Variants in STOX2 observed in about 807,000 individuals in gnomAD.
STOX2 encodes storkhead-box protein 2.
A neutral mutation model predicts 60.9 loss-of-function variants in STOX2; 28 were observed. The observed-to-expected ratio is 0.46, with a 90% CI of 0.34 to 0.63. STOX2 has a LOEUF of 0.63. Among genes scored for constraint, STOX2 ranks in the 30% least tolerant of loss-of-function variants. The pLI is 0.01. For synonymous variants in STOX2, 472 were observed against 463.9 expected (o/e 1.02, Z -0.22); for missense variants, 1,024 against 1,187.7 (o/e 0.86, Z 2.03).
At chr4:183,907,023 C>T (rs1741639137) in intron 1 of STOX2, 67 bp downstream of exon 1, 2 of 1,389,472 alleles carry the variant, frequency 1.4e-6, no homozygotes, top group African/African-American at 1.5e-5. Flanking sequence ...CGCCGCGGCC[C>T]GGGTGCTTGG....
intron 1 of STOX2, among the ~76,000 whole-genome samples, chr4:183,873,303 A>G (rs942346281): frequency 6.6e-6 from 1 of 152,132 alleles, no homozygotes; most frequent in Non-Finnish European, 1.5e-5. Context: ...AAAATTAGCC[A>G]GGCGTGTTGG....
At chr4:183,997,335 T>A (rs1424490323) in intron 1 of STOX2, among the ~76,000 whole-genome samples, 1 of 152,156 alleles carries the variant, frequency 6.6e-6, no homozygotes, top group African/African-American at 2.4e-5. Flanking sequence ...CCTGACATGT[T>A]CAAAGAACAG....
In STOX2 at chr4:183,978,368, G is replaced by A. The variant is rs554003633; in HGVS notation, c.167-22957G>A. Among the ~76,000 whole-genome samples, 26 of 152,112 alleles carry A rather than the reference G, an allele frequency of 1.7e-4. 1 individual carries two copies. Among genetic ancestry groups the A allele is most frequent in the Admixed American group, 5.2e-4 (8 of 15,276 alleles). Reference sequence around the variant, plus strand: ...TGATTGAATAGGGTGTCCTTTCCCCGTGTTTTATATTTTTGTCAACGTTGT... The same window carrying A: ...TGATTGAATAGGGTGTCCTTTCCCCATGTTTTATATTTTTGTCAACGTTGT... On this transcript the variant is annotated intron_variant, in intron 1 of 3. Coordinates refer to ENST00000308497, the MANE Select transcript of STOX2 (RefSeq NM_020225.3).
chr4:183,932,880 C>G (rs1489014826), intron 1 of STOX2, among the ~76,000 whole-genome samples: 1 of 152,194 alleles, frequency 6.6e-6, no homozygotes, highest in Non-Finnish European at 1.5e-5. Context: ...ATGACAGCTC[C>G]TCCTCATCTG....
chr4:183,871,843 C>G (rs376037618), intron 1 of STOX2, among the ~76,000 whole-genome samples: 1 of 146,816 alleles, frequency 6.8e-6, no homozygotes, highest in East Asian at 2.0e-4. Flanking sequence ...CATTCAATAC[C>G]AAAAAAAAAA....
intron 1 of STOX2, among the ~76,000 whole-genome samples, chr4:183,990,747 T>C (rs897402847): frequency 1.3e-5 from 2 of 151,894 alleles, no homozygotes; most frequent in Non-Finnish European, 2.9e-5. Context: ...CCTGAGACAG[T>C]GTCACAGCCA....
intron 1 of STOX2, among the ~76,000 whole-genome samples, chr4:183,852,188 GGAAAGGATGAGGGAAAGGATGAGA>G (rs1560846250): frequency 2.0e-4 from 25 of 126,708 alleles, no homozygotes; most frequent in East Asian, 8.5e-4. Context: ...AAAGGATGAG[GGAAAGGATGAGGGAAAGGATGAGA>G]GAAAGGATGA....
Position 183,911,360 on chromosome 4 carries a change from G to A in STOX2, c.166+4404G>A, listed in dbSNP as rs900269475. 2.6e-5 allele frequency among the ~76,000 whole-genome samples: 4 copies of A among 152,196 alleles called. No individual in the cohort carries two copies. In the East Asian group the frequency reaches 7.7e-4, roughly 29 times the overall value. On this transcript the variant is annotated intron_variant, in intron 1 of 3. Transcript: ENST00000308497. Reference sequence around the variant, plus strand: ...CCTGGCAAGTTATAATCATATGCAAGTTTTAATAAAGAGCGTCCTGTCACG... The same window carrying A: ...CCTGGCAAGTTATAATCATATGCAAATTTTAATAAAGAGCGTCCTGTCACG...
intron 1 of STOX2, among the ~76,000 whole-genome samples, chr4:183,819,834 A>T: frequency 6.6e-6 from 1 of 152,188 alleles, no homozygotes; most frequent in East Asian, 1.9e-4. Context: ...CTTTTGGGCC[A>T]TGCTCTTTTT....
chr4:183,919,480 G>T, intron 1 of STOX2, among the ~76,000 whole-genome samples: 1 of 152,188 alleles, frequency 6.6e-6, no homozygotes. Context: ...GGCCTGGGAT[G>T]TAAGCACAGT....
chr4:183,863,609 C>T (rs191525174), intron 1 of STOX2, among the ~76,000 whole-genome samples: 272 of 152,268 alleles, frequency 1.8e-3, no homozygotes, highest in Non-Finnish European at 2.8e-3. Context: ...TATTGCGTGA[C>T]GATTGGCTTG....
intron 1 of STOX2, among the ~76,000 whole-genome samples, chr4:183,851,480 G>A (rs1408545953): frequency 6.5e-5 from 3 of 46,464 alleles, no homozygotes; most frequent in African/African-American, 9.3e-5. Context: ...AAACGATGAG[G>A]GAAAGGATGA....
intron 1 of STOX2, among the ~76,000 whole-genome samples, chr4:183,840,984 C>A (rs183001232): frequency 7.7e-4 from 117 of 152,290 alleles, no homozygotes; most frequent in Non-Finnish European, 1.5e-3. Flanking sequence ...CCTCCCACCT[C>A]AGCCTCCTGA....
At position 183,866,922 on chromosome 4, in the gene STOX2, T is replaced by C. The variant is rs577347048; in HGVS notation, c.364+68867T>C. ...AACAAACAAAAAGAACAATGTATTT[T>C]ATTTTGTCAATCAACATGAATAGAA... On this transcript the variant is annotated intron_variant, in intron 1 of 2. Transcript: ENST00000513034. Among the ~76,000 whole-genome samples, 6 of 152,376 alleles carry C rather than the reference T, an allele frequency of 3.9e-5. No homozygotes were observed. The South Asian group carries it at 8.3e-4, about 21-fold the overall frequency.
At chr4:183,920,448 C>T (rs976897186) in intron 1 of STOX2, among the ~76,000 whole-genome samples, 1 of 152,128 alleles carries the variant, frequency 6.6e-6, no homozygotes, top group Non-Finnish European at 1.5e-5. Context: ...GTTTCATTCC[C>T]CCAGTGGTTC....
chr4:183,929,902 C>CG (rs1742365029), intron 1 of STOX2, among the ~76,000 whole-genome samples: 1 of 142,496 alleles, frequency 7.0e-6, no homozygotes, highest in African/African-American at 3.1e-5. Context: ...CTCACTCTGT[C>CG]GCCCAGGCTG....
At chr4:183,914,603 A>G (rs904792038) in intron 1 of STOX2, among the ~76,000 whole-genome samples, 2 of 152,162 alleles carry the variant, frequency 1.3e-5, no homozygotes, top group East Asian at 3.8e-4. Context: ...GTGAACAATA[A>G]AGGCGTATAA....
chr4:183,962,957 A>T (rs1354421681), intron 1 of STOX2, among the ~76,000 whole-genome samples: 1 of 152,258 alleles, frequency 6.6e-6, no homozygotes, highest in Admixed American at 6.5e-5. Flanking sequence ...TCTTTTGAAG[A>T]TAGGCAAACT....
chr4:183,837,619 T>C (rs527811403), intron 1 of STOX2, among the ~76,000 whole-genome samples: 26 of 152,206 alleles, frequency 1.7e-4, no homozygotes, highest in East Asian at 1.4e-3. Context: ...CCACCACGCC[T>C]GGCTAATTTT....
Sources: allele counts gnomAD v4.1 joint callset (sites outside exome capture counted in the v4.1 genomes callset), GRCh38; gene constraint gnomAD v4.1.1; transcripts MANE v1.5; gene names NCBI Gene and HGNC (gene_info 2026-07-23, HGNC 2026-07-21).